The following HTT variants were observed in gnomAD, a reference collection of about 807,000 sequenced individuals.
HTT encodes huntingtin, also known as huntington disease protein.
Under a neutral mutation model 362.3 loss-of-function variants are expected in HTT, and 104 were observed. The ratio of observed to expected loss-of-function variants is 0.29; its 90% CI spans 0.24 to 0.34. The LOEUF is 0.34. HTT is among the 10% of genes least tolerant of loss of function. The pLI is 1.00. For synonymous variants in HTT, 1,577 were observed against 1,548.7 expected (o/e 1.02, Z -0.43); for missense variants, 3,301 against 3,928.6 (o/e 0.84, Z 4.27).
chr4:3,224,193 C>T (rs1230243017), intron 56 of HTT, 62 bp downstream of exon 56: 25 of 1,539,576 alleles, frequency 1.6e-5, no homozygotes, highest in Non-Finnish European at 9.0e-6. Flanking sequence ...AGAAGACTGG[C>T]ATGCTCACCA....
chr4:3,080,792 T>C (rs1215726830), intron 1 of HTT, among the ~76,000 whole-genome samples: 2 of 152,250 alleles, frequency 1.3e-5, no homozygotes, highest in Non-Finnish European at 2.9e-5. Flanking sequence ...GAAGTCCAAC[T>C]TTATTCTTTT....
At chr4:3,090,105 T>G (rs1473558688) in intron 2 of HTT, among the ~76,000 whole-genome samples, 3 of 152,246 alleles carry the variant, frequency 2.0e-5, no homozygotes, top group Non-Finnish European at 4.4e-5. Flanking sequence ...AAAATATAAT[T>G]AAACTTTTGG....
chr4:3,159,554 G>A (rs1014076194), intron 28 of HTT, among the ~76,000 whole-genome samples: 2 of 152,176 alleles, frequency 1.3e-5, no homozygotes, highest in Non-Finnish European at 2.9e-5. Flanking sequence ...CGTAGTCATG[G>A]TATTTAGATC....
At chr4:3,109,959 G>A (rs1399708658) in intron 6 of HTT, among the ~76,000 whole-genome samples, 3 of 152,210 alleles carry the variant, frequency 2.0e-5, no homozygotes, top group South Asian at 2.1e-4. Context: ...AGCATCCTTA[G>A]GAAGGCATCT....
chr4:3,142,382 T>C (rs998082712), intron 22 of HTT, among the ~76,000 whole-genome samples: 4 of 152,140 alleles, frequency 2.6e-5, no homozygotes, highest in African/African-American at 9.7e-5. Flanking sequence ...ATAACTATAA[T>C]GGGGGATAGA....
intron 2 of HTT, among the ~76,000 whole-genome samples, chr4:3,095,840 G>A (rs946432113): frequency 1.3e-5 from 2 of 152,168 alleles, no homozygotes; most frequent in African/African-American, 2.4e-5. Flanking sequence ...GCCAGAAATA[G>A]GGGAAGAGGC....
At position 3,192,910 on chromosome 4, in the gene HTT, A is replaced by T. The variant is rs141645556; in HGVS notation, c.5368+3817A>T. ...CTGGTTGTGCCAAGTTCAGTTGAGC[A>T]TCCTGGCTCTTGCCTGCACGGAACT... On this transcript the variant is annotated intron_variant, in intron 40 of 66. Transcript: ENST00000355072. 8.5e-3 allele frequency among the ~76,000 whole-genome samples: 1,296 copies of T among 152,372 alleles called. 8 individuals carry two copies. The highest frequency in any genetic ancestry group is 0.017 in the African/African-American group (720 of 41,592).
At chr4:3,225,972 G>A (rs1720892204) in intron 57 of HTT, among the ~76,000 whole-genome samples, 1 of 152,180 alleles carries the variant, frequency 6.6e-6, no homozygotes, top group South Asian at 2.1e-4. Flanking sequence ...CCAGAAAGTA[G>A]TTAAGAGACC....
Position 3,218,079 on chromosome 4 carries a change from T to C in HTT, c.7242+127T>C. 1.3e-6 allele frequency: 1 copy of C among 780,176 alleles called. No homozygotes were observed. The highest frequency in any genetic ancestry group is 2.0e-6 in the Non-Finnish European group (1 of 505,486). 48.3% of individuals were successfully genotyped at this position (780,176 alleles called of 1,614,324 possible). A position where few individuals can be genotyped will look rare whatever the true frequency, so the allele number is the denominator to read the frequency against. ...CAGAGGCTGCCTGCTGTGGTTCTGGTGCCCACTGTGGTTCTGGTGCCAGGC... is the reference window on the plus strand; with the variant it reads ...CAGAGGCTGCCTGCTGTGGTTCTGGCGCCCACTGTGGTTCTGGTGCCAGGC... On this transcript the variant is annotated intron_variant, in intron 52 of 66. Coordinates refer to ENST00000355072, the MANE Select transcript of HTT (RefSeq NM_001388492.1). The surrounding 1 kb of genome is among the most constrained non-coding windows in gnomAD (Gnocchi z 4.4).
Position 3,074,712 on chromosome 4 carries a change from C to T in HTT, c.-114C>T. On this transcript the variant is annotated 5_prime_UTR_variant, in exon 1 of 67. Transcript: ENST00000355072. Reference sequence around the variant, plus strand: ...GGGACGGGTCCAAGATGGACGGCCGCTCAGGTTCTGCTTTTACCTGCGGCC... The same window carrying T: ...GGGACGGGTCCAAGATGGACGGCCGTTCAGGTTCTGCTTTTACCTGCGGCC... The T allele has an allele frequency of 2.6e-6, 3 of 1,157,286 alleles. No homozygotes were observed. The South Asian group carries it at 4.9e-5, about 19-fold the overall frequency. The allele number at this position is 1,157,286 out of a possible 1,614,324, so 71.7% of individuals were successfully genotyped here. A position where few individuals can be genotyped will look rare whatever the true frequency, so the allele number is the denominator to read the frequency against.
chr4:3,077,088 A>C lies in HTT; in HGVS notation c.263+2000A>C, dbSNP rs1348825202. 2.0e-5 allele frequency among the ~76,000 whole-genome samples: 3 copies of C among 151,960 alleles called. No individual in the cohort carries two copies. The East Asian group carries it at 5.8e-4, about 30-fold the overall frequency. ...AGCTACCTGGGAGGCTGAGGCAGGA[A>C]AATCGCTTGAACCCGGGAGGCAGAG... On this transcript the variant is annotated intron_variant, in intron 1 of 66. Coordinates refer to ENST00000355072, the MANE Select transcript of HTT (RefSeq NM_001388492.1).
intron 6 of HTT, among the ~76,000 whole-genome samples, chr4:3,109,919 G>A (rs990559266): frequency 4.6e-5 from 7 of 152,116 alleles, no homozygotes; most frequent in Admixed American, 6.5e-5. Flanking sequence ...CATGGAGGTG[G>A]GGGCTACAGT....
chr4:3,226,761 T>C (rs1168392122), intron 57 of HTT, among the ~76,000 whole-genome samples: 2 of 152,262 alleles, frequency 1.3e-5, no homozygotes, highest in Non-Finnish European at 2.9e-5. Context: ...CCTGCAGCCT[T>C]CACAGCAGAA....
chr4:3,213,479 C>G (rs904873531), intron 49 of HTT, among the ~76,000 whole-genome samples: 25 of 152,330 alleles, frequency 1.6e-4, no homozygotes, highest in African/African-American at 6.0e-4. Flanking sequence ...TCTGTTACTC[C>G]CATTTGACAG....
intron 59 of HTT, among the ~76,000 whole-genome samples, chr4:3,229,588 A>ACACACCCCACAC (rs1172361335): frequency 6.7e-6 from 1 of 150,258 alleles, no homozygotes; most frequent in Non-Finnish European, 1.5e-5. Flanking sequence ...ACATGTATAT[A>ACACACCCCACAC]CACACCCCAC....
At chr4:3,090,298 A>T (rs1215522015) in intron 2 of HTT, among the ~76,000 whole-genome samples, 2 of 152,256 alleles carry the variant, frequency 1.3e-5, no homozygotes, top group Non-Finnish European at 2.9e-5. Context: ...GATGAGCATC[A>T]AAATCATCTG....
rs968993643 is a variant in HTT at position 3,235,723 on chromosome 4, C to T, written c.8730C>T (p.His2910=). 1.2e-5 allele frequency: 19 copies of T among 1,612,490 alleles called. No homozygotes were observed. Among genetic ancestry groups the T allele is most frequent in the Non-Finnish European group, 1.4e-5 (16 of 1,180,026 alleles). ...TGAGTGTGGACAGAGTGAACGTGCA[C>T]AGCCCGCACCGGGCCATGGCGGCTC... ...VKLSVDRVNV[H]SPHRAMAALG... Residue 2910 remains histidine (H), a synonymous_variant, in exon 63 of 67, where the codon CAC becomes CAT. Coordinates refer to ENST00000355072, the MANE Select transcript of HTT (RefSeq NM_001388492.1).
At chr4:3,091,427 G>T (rs1454639961) in intron 2 of HTT, among the ~76,000 whole-genome samples, 1 of 152,132 alleles carries the variant, frequency 6.6e-6, no homozygotes, top group Non-Finnish European at 1.5e-5. Flanking sequence ...TTTGAGGAAG[G>T]TTAACATTAT....
At chr4:3,200,978 A>G (rs754338268) in intron 41 of HTT, among the ~76,000 whole-genome samples, 4 of 152,248 alleles carry the variant, frequency 2.6e-5, no homozygotes, top group Non-Finnish European at 4.4e-5. Context: ...CTCTGATGTT[A>G]TATCAGAAAG....
Sources: gnomAD v4.1 joint callset for allele counts (sites outside exome capture counted in the v4.1 genomes callset) on GRCh38, gnomAD v4.1.1 for gene constraint, Gnocchi (gnomAD v3.1) non-coding constraint, MANE v1.5 for transcripts, NCBI Gene and HGNC (gene_info 2026-07-23, HGNC 2026-07-21) for gene names.